The following GLE1 variants were observed in gnomAD, a reference collection of about 807,000 sequenced individuals.
GLE1 encodes the protein mRNA export factor GLE1.
Under a neutral mutation model 97.3 loss-of-function variants are expected in GLE1, and 78 were observed. That is an observed-to-expected ratio of 0.80 (90% CI 0.67 to 0.97). The LOEUF is 0.97. Among genes scored for constraint, GLE1 ranks in the 50% least tolerant of loss-of-function variants. The pLI, the probability that GLE1 is intolerant of heterozygous loss-of-function variation, is 0.00. For synonymous variants in GLE1, 302 were observed against 313.4 expected (o/e 0.96, Z 0.39); for missense variants, 753 against 857.5 (o/e 0.88, Z 1.52).
intron 9 of GLE1, 73 bp downstream of exon 9, chr9:128,527,598 T>G: frequency 1.1e-6 from 1 of 908,682 alleles, no homozygotes; most frequent in Non-Finnish European, 1.9e-6. Context: ...TCTATGTATC[T>G]GTAAGGTTCC....
rs1326867570 is a variant in GLE1, at chr9:128,533,766, A to T, written c.1461A>T (p.Gln487His). Residue 487 changes from glutamine to histidine, a missense_variant, in exon 11 of 16, where the codon CAA becomes CAT. Coordinates refer to ENST00000309971, the MANE Select transcript of GLE1 (RefSeq NM_001003722.2). Reference sequence around the variant, plus strand: ...ACCCACCTCTATGTTCTCAGAAACAAGGCGAGGAGGAAGTGGCCTCTCACC... The same window carrying T: ...ACCCACCTCTATGTTCTCAGAAACATGGCGAGGAGGAAGTGGCCTCTCACC... ...QYKLAEKFVK[Q>H]GEEEVASHHE... 2 of 1,614,024 alleles carry T rather than the reference A, an allele frequency of 1.2e-6. No individual in the cohort carries two copies. Among genetic ancestry groups the T allele is most frequent in the Non-Finnish European group, 1.7e-6 (2 of 1,179,966 alleles).
chr9:128,508,888 G>T lies in GLE1; in HGVS notation c.112G>T (p.Glu38Ter). Residue 38 changes from glutamate to a stop codon, truncating the protein, a stop_gained, in exon 2 of 16, where the codon GAA becomes TAA. Transcript: ENST00000309971. LOFTEE classifies it high-confidence loss of function. Reference sequence around the variant, plus strand: ...TTCTTTTCTCTAGGATGTTTTAGAAGAATGTATGTCTCTTCCCAAGCTATC... The same window carrying T: ...TTCTTTTCTCTAGGATGTTTTAGAATAATGTATGTCTCTTCCCAAGCTATC... ...WLLRREDVLEECMSLPKLSSY... is the reference protein window; with the variant it reads ...WLLRREDVLE The T allele has an allele frequency of 1.3e-6, 2 of 1,592,894 alleles. No homozygotes were observed. Among genetic ancestry groups the T allele is most frequent in the South Asian group, 2.2e-5 (2 of 90,672 alleles).
rs1443370122 is a variant in GLE1, at chr9:128,533,652, T to C, written c.1452T>C (p.Phe484=). 1.2e-6 allele frequency: 2 copies of C among 1,614,132 alleles called. No homozygotes were observed. Among genetic ancestry groups the C allele is most frequent in the Non-Finnish European group, 1.7e-6 (2 of 1,180,014 alleles). The change falls in exon 10 of 16, where the codon TTT becomes TTC. Residue 484 remains phenylalanine, a synonymous_variant. Transcript: ENST00000309971. ...TTCAATACAAACTGGCAGAGAAATTTGTGGTGAGAAACCTTGTTGCTAGAG... is the reference window on the plus strand; with the variant it reads ...TTCAATACAAACTGGCAGAGAAATTCGTGGTGAGAAACCTTGTTGCTAGAG... The part of the protein sequence containing the change: ...DFVQYKLAEK[F]VKQGEEEVAS...
intron 1 of GLE1, among the ~76,000 whole-genome samples, chr9:128,508,411 A>C (rs1846706053): frequency 6.6e-6 from 1 of 152,144 alleles, no homozygotes; most frequent in African/African-American, 2.4e-5. Flanking sequence ...TCTCAAAAAT[A>C]ATTAATTTTA....
chr9:128,533,459 GAAAA>G (rs2132507524), intron 9 of GLE1, 50 bp from the exon 10 acceptor site: 2 of 737,982 alleles, frequency 2.7e-6, no homozygotes, highest in Non-Finnish European at 4.2e-6. Context: ...AAAAGGAAAA[GAAAA>G]AGAGATTGAT....
chr9:128,539,821 A>G, intron 14 of GLE1, 123 bp downstream of exon 14: 1 of 1,570,086 alleles, frequency 6.4e-7, no homozygotes, highest in Admixed American at 1.8e-5. Flanking sequence ...TAAGTATGAC[A>G]TCTTTCCTAC....
chr9:128,514,061 G>A (rs1846906234), intron 2 of GLE1, among the ~76,000 whole-genome samples: 1 of 151,218 alleles, frequency 6.6e-6, no homozygotes, highest in African/African-American at 2.4e-5. Flanking sequence ...AAATAGGCCA[G>A]GCATAGTGGC....
intron 9 of GLE1, among the ~76,000 whole-genome samples, chr9:128,531,119 C>G (rs1048264893): frequency 4.0e-5 from 6 of 148,476 alleles, no homozygotes; most frequent in Non-Finnish European, 8.9e-5. Flanking sequence ...GAGGCTGAGG[C>G]AGGAGGATCT....
intron 13 of GLE1, among the ~76,000 whole-genome samples, chr9:128,538,751 A>G (rs1242897353): frequency 2.6e-5 from 4 of 151,920 alleles, no homozygotes; most frequent in Non-Finnish European, 5.9e-5. Flanking sequence ...GCTGGAGTGC[A>G]TTAGTGTGAT....
At chr9:128,511,385 A>G (rs534566731) in intron 2 of GLE1, among the ~76,000 whole-genome samples, 2 of 151,258 alleles carry the variant, frequency 1.3e-5, no homozygotes, top group African/African-American at 4.8e-5. Flanking sequence ...GAAAAAAAGG[A>G]ACCTCCACCT....
At chr9:128,523,491 GC>G in intron 5 of GLE1, 100 bp from the exon 6 acceptor site, 1 of 1,483,466 alleles carries the variant, frequency 6.7e-7, no homozygotes, top group South Asian at 1.1e-5. Flanking sequence ...CCTGCTCTGA[GC>G]CCATCTGTGA....
intron 3 of GLE1, among the ~76,000 whole-genome samples, chr9:128,519,188 C>T (rs985106952): frequency 4.6e-5 from 7 of 152,064 alleles, no homozygotes; most frequent in Non-Finnish European, 8.8e-5. Context: ...ATTAACTGCA[C>T]AAATTGTAGA....
chr9:128,523,957 A>G lies in GLE1; in HGVS notation c.897+111A>G, dbSNP rs1847227780. 8 of 977,030 alleles carry G rather than the reference A, an allele frequency of 8.2e-6. No individual in the cohort carries two copies. In the East Asian group the frequency reaches 2.0e-4, roughly 25 times the overall value. 60.5% of individuals were successfully genotyped at this position (977,030 alleles called of 1,614,324 possible). A position where few individuals can be genotyped will look rare whatever the true frequency, so the allele number is the denominator to read the frequency against. ...ACCTGCTATCTGCTTATTGGGGGAA[A>G]TACCAAACATTACTTGTTATCTCCA... On this transcript the variant is annotated intron_variant, in intron 6 of 15. Coordinates refer to ENST00000309971, the MANE Select transcript of GLE1 (RefSeq NM_001003722.2).
rs775726336 is a variant in GLE1 at position 128,509,049 on chromosome 9, A to G, written c.273A>G (p.Ala91=). The G allele has an allele frequency of 1.2e-6, 2 of 1,613,914 alleles. No individual in the cohort carries two copies. The highest frequency in any genetic ancestry group is 2.2e-5 in the East Asian group (1 of 44,886). The change falls in exon 2 of 16, where the codon GCA becomes GCG. Residue 91 remains alanine, a synonymous_variant. Coordinates refer to ENST00000309971, the MANE Select transcript of GLE1 (RefSeq NM_001003722.2). ...QPSFVPKSPD[A]SSAFSPASPA... is the part of the protein sequence containing the mutation. ...CATTTGTTCCCAAATCTCCTGACGC[A>G]AGCTCTGCCTTTTCCCCAGCCTCCC...
chr9:128,523,587 T>G lies in GLE1; in HGVS notation c.643-5T>G, dbSNP rs1027821552. 1 of 1,613,962 alleles carries G rather than the reference T, an allele frequency of 6.2e-7. No individual in the cohort carries two copies. The highest frequency in any genetic ancestry group is 1.3e-5 in the African/African-American group (1 of 75,020). On this transcript the variant is annotated splice_region_variant and splice_polypyrimidine_tract_variant and intron_variant, in intron 5 of 15. Transcript: ENST00000309971. The stretch of plus-strand genomic sequence containing the variant: ...AGAGAGAAGTCACTCAGCCCTTTTC[T>G]ACAGATTCTCAACCTGAAGCTGCGG...
chr9:128,528,675 T>C (rs1287700632), intron 9 of GLE1, among the ~76,000 whole-genome samples: 1 of 152,184 alleles, frequency 6.6e-6, no homozygotes, highest in African/African-American at 2.4e-5. Context: ...GAAGTTGCAG[T>C]TTACTGCTGA....
At chr9:128,517,241 GA>G (rs1254840590) in intron 3 of GLE1, among the ~76,000 whole-genome samples, 1 of 151,830 alleles carries the variant, frequency 6.6e-6, no homozygotes, top group East Asian at 1.9e-4. Context: ...AGTGAGCCAA[GA>G]TTGTGCCACT....
chr9:128,520,337 T>C (rs1847109933), intron 3 of GLE1, among the ~76,000 whole-genome samples: 1 of 148,610 alleles, frequency 6.7e-6, no homozygotes, highest in South Asian at 2.1e-4. Flanking sequence ...TGTGTATATG[T>C]GTATATGTGT....
chr9:128,532,286 A>G (rs1457362790), intron 9 of GLE1, among the ~76,000 whole-genome samples: 6 of 139,800 alleles, frequency 4.3e-5, no homozygotes, highest in Non-Finnish European at 9.0e-5. Flanking sequence ...GTGCAGTGGC[A>G]CAATCTCGGC....
Sources: allele counts gnomAD v4.1 joint callset (sites outside exome capture counted in the v4.1 genomes callset), GRCh38; gene constraint gnomAD v4.1.1; transcripts MANE v1.5; gene names NCBI Gene and HGNC (gene_info 2026-07-23, HGNC 2026-07-21).